Variants in ANTXR1 observed in about 807,000 individuals in gnomAD.
The protein encoded by ANTXR1 is anthrax toxin receptor 1.
In ANTXR1, 19 loss-of-function variants were observed where a neutral mutation model predicts 78.1. The observed-to-expected ratio is 0.24, with a 90% confidence interval of 0.17 to 0.36. ANTXR1 has a LOEUF of 0.36. ANTXR1 is among the 10% of genes least tolerant of loss of function. ANTXR1 has a pLI of 1.00. For synonymous variants in ANTXR1, 273 were observed against 260.5 expected (o/e 1.05, Z -0.46); for missense variants, 518 against 718.6 (o/e 0.72, Z 3.19).
chr2:69,101,198 G>A (rs1432207348), intron 9 of ANTXR1, among the ~76,000 whole-genome samples: 1 of 152,126 alleles, frequency 6.6e-6, no homozygotes, highest in Non-Finnish European at 1.5e-5. Flanking sequence ...ATCCAGGCCT[G>A]TTCCACTTTT....
At chr2:69,129,133 C>T (rs1672643262) in intron 12 of ANTXR1, among the ~76,000 whole-genome samples, 1 of 152,192 alleles carries the variant, frequency 6.6e-6, no homozygotes, top group African/African-American at 2.4e-5. Flanking sequence ...TTTAAATACA[C>T]CCATCTCTGT....
chr2:69,027,645 T>TGTGTGG (rs1671386717), intron 1 of ANTXR1, among the ~76,000 whole-genome samples: 1 of 151,882 alleles, frequency 6.6e-6, no homozygotes, highest in African/African-American at 2.4e-5. Context: ...TGTGTATGTG[T>TGTGTGG]GTGTGTGTGT....
chr2:69,114,358 G>T (rs1672075208), intron 10 of ANTXR1, among the ~76,000 whole-genome samples: 1 of 152,200 alleles, frequency 6.6e-6, no homozygotes, highest in Admixed American at 6.5e-5. Flanking sequence ...TCTCAATGCT[G>T]GTGTGCCCAG....
chr2:69,073,136 A>G (rs760441318), intron 6 of ANTXR1, 35 bp downstream of exon 6: 38 of 1,599,280 alleles, frequency 2.4e-5, no homozygotes, highest in South Asian at 9.9e-5. Context: ...AAACATATAC[A>G]TGGAACGGGG....
intron 17 of ANTXR1, among the ~76,000 whole-genome samples, chr2:69,220,920 T>C (rs991189895): frequency 1.3e-5 from 2 of 152,210 alleles, no homozygotes; most frequent in Non-Finnish European, 2.9e-5. Flanking sequence ...GTGATTGTAT[T>C]TGATATATCC....
chr2:69,082,907 A>T (rs980555175), intron 8 of ANTXR1, among the ~76,000 whole-genome samples: 3 of 152,324 alleles, frequency 2.0e-5, no homozygotes, highest in Non-Finnish European at 1.5e-5. Context: ...TCAACAATAA[A>T]CAACAAGCAT....
At chr2:69,090,197 C>G (rs1671183603) in intron 8 of ANTXR1, among the ~76,000 whole-genome samples, 1 of 151,734 alleles carries the variant, frequency 6.6e-6, no homozygotes, top group African/African-American at 2.4e-5. Flanking sequence ...GACTATGCAG[C>G]TTCTGTGGAG....
intron 17 of ANTXR1, among the ~76,000 whole-genome samples, chr2:69,239,178 C>A (rs954798202): frequency 1.3e-5 from 2 of 152,178 alleles, no homozygotes; most frequent in African/African-American, 4.8e-5. Flanking sequence ...CAATACAAAG[C>A]ATTAGCCAAA....
intron 17 of ANTXR1, among the ~76,000 whole-genome samples, chr2:69,195,093 A>T (rs762152605): frequency 1.3e-5 from 2 of 151,676 alleles, no homozygotes; most frequent in African/African-American, 2.4e-5. Flanking sequence ...ACTTGAACCC[A>T]GGAGGCGGAG....
intron 10 of ANTXR1, among the ~76,000 whole-genome samples, chr2:69,109,900 CT>C (rs1475173000): frequency 6.6e-6 from 1 of 151,724 alleles, no homozygotes; most frequent in African/African-American, 2.4e-5. Context: ...AGAAATAAAA[CT>C]GGAAAAATAG....
At chr2:69,238,773 C>T (rs1455845690) in intron 17 of ANTXR1, among the ~76,000 whole-genome samples, 4 of 152,304 alleles carry the variant, frequency 2.6e-5, no homozygotes, top group African/African-American at 9.6e-5. Context: ...GTATGTTATA[C>T]TTTTACGATC....
intron 3 of ANTXR1, among the ~76,000 whole-genome samples, chr2:69,047,844 A>G (rs1002702861): frequency 1.3e-5 from 2 of 152,104 alleles, no homozygotes; most frequent in Non-Finnish European, 2.9e-5. Context: ...TGAGGTTCAA[A>G]AAGTTTAGGT....
intron 1 of ANTXR1, among the ~76,000 whole-genome samples, chr2:69,034,723 T>A (rs1671627913): frequency 6.6e-6 from 1 of 152,190 alleles, no homozygotes; most frequent in Non-Finnish European, 1.5e-5. Context: ...CTATTTATAT[T>A]TGGGCTTAGA....
chr2:69,163,932 C>T (rs1038588148), intron 13 of ANTXR1, among the ~76,000 whole-genome samples: 1 of 152,212 alleles, frequency 6.6e-6, no homozygotes, highest in African/African-American at 2.4e-5. Context: ...ACATTACCTT[C>T]TCCTTTACCT....
At chr2:69,098,755 G>C (rs543484524) in intron 9 of ANTXR1, among the ~76,000 whole-genome samples, 6 of 152,298 alleles carry the variant, frequency 3.9e-5, no homozygotes, top group African/African-American at 1.2e-4. Flanking sequence ...GGAGTCTGAG[G>C]CAGGTGGATC....
At chr2:69,016,368 C>T (rs1158683911) in intron 1 of ANTXR1, among the ~76,000 whole-genome samples, 1 of 152,138 alleles carries the variant, frequency 6.6e-6, no homozygotes, top group East Asian at 1.9e-4. Flanking sequence ...GTGTTCCTTT[C>T]CATCGAGCAA....
intron 17 of ANTXR1, among the ~76,000 whole-genome samples, chr2:69,205,228 G>A (rs1006228368): frequency 1.3e-5 from 2 of 152,118 alleles, no homozygotes; most frequent in Non-Finnish European, 2.9e-5. Flanking sequence ...GCTGAGATCC[G>A]AAGGACAAAC....
rs914042298 is a variant in ANTXR1 at position 69,236,308 on chromosome 2, GTA to G, written c.1435-8909_1435-8908del. Among the ~76,000 whole-genome samples the G allele has an allele frequency of 5.9e-5, 9 of 152,206 alleles. No individual in the cohort carries two copies. In the South Asian group the frequency reaches 1.7e-3, roughly 28 times the overall value. On this transcript the variant is annotated intron_variant, in intron 17 of 17. Transcript: ENST00000303714. The stretch of plus-strand genomic sequence containing the variant: ...TGTGTGTATATATATGTGAGTTTGT[GTA>G]TATATATGTGTGTATGTGTGAGTGT...
chr2:69,156,725 G>C (rs1216734274), intron 13 of ANTXR1, among the ~76,000 whole-genome samples: 1 of 152,178 alleles, frequency 6.6e-6, no homozygotes, highest in Non-Finnish European at 1.5e-5. Flanking sequence ...CGGATCTCAG[G>C]AAAACTCACT....
Sources: gnomAD v4.1 joint callset for allele counts (sites outside exome capture counted in the v4.1 genomes callset) on GRCh38, gnomAD v4.1.1 for gene constraint, MANE v1.5 for transcripts, NCBI Gene and HGNC (gene_info 2026-07-23, HGNC 2026-07-21) for gene names.